The following GPHN variants were observed in gnomAD, a reference collection of about 807,000 sequenced individuals.
GPHN encodes the protein gephyrin.
A neutral mutation model predicts 95.5 loss-of-function variants in GPHN; 17 were observed. That is an observed-to-expected ratio of 0.18 (90% CI 0.12 to 0.27). The LOEUF (loss-of-function observed/expected upper bound fraction) is 0.27, where lower values mean the gene tolerates loss of function less well. Ranked by LOEUF, GPHN falls within the 10% of genes least tolerant of loss-of-function variation. GPHN has a pLI of 1.00. For missense variants in GPHN, 660 were observed against 978.1 expected, an observed-to-expected ratio of 0.67 and a Z score of 4.34; for synonymous variants, 320 against 322.5, an observed-to-expected ratio of 0.99 and a Z score of 0.08.
At chr14:67,327,691 C>CTG in the GPHN span, among the ~76,000 whole-genome samples, 5 of 151,970 alleles carry the variant, frequency 3.3e-5, no homozygotes, top group Non-Finnish European at 5.9e-5. Context: ...ACCCTGTGTC[C>CTG]TGGTGTTCTC....
chr14:67,592,582 T>A, the GPHN span: 4 of 1,060,284 alleles, frequency 3.8e-6, no homozygotes, highest in Non-Finnish European at 5.8e-6. Context: ...TTTACATTCC[T>A]AATGAAAAGG....
intron 2 of GPHN, among the ~76,000 whole-genome samples, chr14:66,715,075 T>G (rs1363784182): frequency 6.6e-6 from 1 of 152,202 alleles, no homozygotes; most frequent in African/African-American, 2.4e-5. Flanking sequence ...TTTGAATGTC[T>G]GGTAGAATTC....
chr14:67,575,889 G>A, the GPHN span: 3 of 1,613,986 alleles, frequency 1.9e-6, no homozygotes, highest in Non-Finnish European at 2.5e-6. Flanking sequence ...CTGTGACTCA[G>A]ACGAGGACTA....
intron 1 of GPHN, among the ~76,000 whole-genome samples, chr14:66,639,982 AGG>A: frequency 6.6e-6 from 1 of 152,306 alleles, no homozygotes; most frequent in Non-Finnish European, 1.5e-5. Context: ...TATTAAATGT[AGG>A]GATTTAATGA....
At chr14:67,661,949 G>A in the GPHN span, among the ~76,000 whole-genome samples, 1 of 151,944 alleles carries the variant, frequency 6.6e-6, no homozygotes, top group Non-Finnish European at 1.5e-5. Flanking sequence ...GAGGTCAGGA[G>A]ATCGAGACCA....
At chr14:67,285,551 A>G in the GPHN span, among the ~76,000 whole-genome samples, 1 of 151,536 alleles carries the variant, frequency 6.6e-6, no homozygotes, top group Non-Finnish European at 1.5e-5. Flanking sequence ...GTATGTTTTT[A>G]GTAGAGATGG....
At chr14:66,950,373 T>G (rs2068031779) in intron 8 of GPHN, among the ~76,000 whole-genome samples, 1 of 152,216 alleles carries the variant, frequency 6.6e-6, no homozygotes, top group Admixed American at 6.5e-5. Context: ...TTATATACAT[T>G]GCCAAATTGC....
At chr14:67,397,627 C>G in the GPHN span, 1 of 1,573,206 alleles carries the variant, frequency 6.4e-7, no homozygotes. Flanking sequence ...GGCTGTGGAA[C>G]AGAGAGGAGC....
At chr14:67,520,003 G>A in the GPHN span, among the ~76,000 whole-genome samples, 101 of 152,256 alleles carry the variant, frequency 6.6e-4, no homozygotes, top group African/African-American at 2.4e-3. Context: ...GATCATAGGC[G>A]TGAGCCACCA....
intron 4 of GPHN, among the ~76,000 whole-genome samples, chr14:66,829,719 G>A (rs1274953158): frequency 6.6e-6 from 1 of 152,146 alleles, no homozygotes; most frequent in Non-Finnish European, 1.5e-5. Context: ...AAATAGTTGA[G>A]TAAAAGCCTA....
At chr14:67,247,230 T>C in the GPHN span, among the ~76,000 whole-genome samples, 1 of 152,230 alleles carries the variant, frequency 6.6e-6, no homozygotes, top group African/African-American at 2.4e-5. Flanking sequence ...TATGCAGATC[T>C]TGCAAATACT....
the GPHN span, among the ~76,000 whole-genome samples, chr14:67,203,833 TCCC>T: frequency 6.6e-6 from 1 of 152,184 alleles, no homozygotes; most frequent in Non-Finnish European, 1.5e-5. Context: ...TGTCTCAGCC[TCCC>T]GAGTATCTGG....
At chr14:67,049,818 G>GT (rs1567257859) in intron 10 of GPHN, among the ~76,000 whole-genome samples, 1 of 152,198 alleles carries the variant, frequency 6.6e-6, no homozygotes, top group African/African-American at 2.4e-5. Flanking sequence ...GCTGAAGTAG[G>GT]TTTTTTTATT....
intron 1 of GPHN, among the ~76,000 whole-genome samples, chr14:66,547,910 GTAT>G (rs1230876052): frequency 6.6e-6 from 1 of 152,120 alleles, no homozygotes; most frequent in African/African-American, 2.4e-5. Flanking sequence ...TGTGTTGTTG[GTAT>G]TATTATTCCA....
chr14:67,678,139 T>C, the GPHN span: 1 of 545,200 alleles, frequency 1.8e-6, no homozygotes, highest in African/African-American at 1.9e-5. Flanking sequence ...AATCTGGACA[T>C]GACAGACATT....
chr14:67,284,731 G>T, the GPHN span, among the ~76,000 whole-genome samples: 270 of 151,930 alleles, frequency 1.8e-3, 1 homozygote, highest in African/African-American at 6.2e-3. Flanking sequence ...TTATATGAAT[G>T]AAATTACATA....
chr14:67,732,000 G>T, the GPHN span, among the ~76,000 whole-genome samples: 1 of 151,662 alleles, frequency 6.6e-6, no homozygotes, highest in African/African-American at 2.4e-5. Flanking sequence ...GTTGGTGGGT[G>T]CCTGTAATCC....
At chr14:67,547,641 G>A in the GPHN span, among the ~76,000 whole-genome samples, 1 of 152,156 alleles carries the variant, frequency 6.6e-6, no homozygotes, top group South Asian at 2.1e-4. Context: ...TGGCTATCCT[G>A]TAGGGTGAGC....
the GPHN span, among the ~76,000 whole-genome samples, chr14:67,345,078 C>T: frequency 6.6e-6 from 1 of 151,494 alleles, no homozygotes; most frequent in Non-Finnish European, 1.5e-5. Flanking sequence ...CCCACCTCTA[C>T]AAAAAATACA....
Sources: allele counts gnomAD v4.1 joint callset (sites outside exome capture counted in the v4.1 genomes callset), GRCh38; gene constraint gnomAD v4.1.1; transcripts MANE v1.5; gene names NCBI Gene and HGNC (gene_info 2026-07-23, HGNC 2026-07-21).